OR14A16: variants seen among roughly 807,000 people sequenced by gnomAD.
OR14A16 encodes the protein olfactory receptor family 14 subfamily A member 16.
For missense variants in OR14A16, 341 were observed against 366.5 expected, an observed-to-expected ratio of 0.93 and a Z score of 0.57; for synonymous variants, 135 against 137.6, an observed-to-expected ratio of 0.98 and a Z score of 0.13.
In OR14A16 at chr1:247,814,792, A is replaced by T; in HGVS notation, c.*8T>A. The stretch of plus-strand genomic sequence containing the variant: ...TATCTATTATTGAAAGAAGAAAAGC[A>T]ACAGCTTTTACTTTTTGGTGAGCTT... On this transcript the variant is annotated 3_prime_UTR_variant, in exon 3 of 3. Coordinates refer to ENST00000641093, the MANE Select transcript of OR14A16 (RefSeq NM_001001966.2). 2.0e-6 allele frequency: 3 copies of T among 1,508,828 alleles called. No individual in the cohort carries two copies. The South Asian group carries it at 4.1e-5, about 21-fold the overall frequency. The allele number at this position is 1,508,828 out of a possible 1,614,324, so 93.5% of individuals were successfully genotyped here.
intron 2 of OR14A16, 69 bp downstream of exon 2, chr1:247,818,994 C>T (rs894316878): frequency 7.9e-5 from 12 of 151,242 alleles, no homozygotes; most frequent in Admixed American, 7.9e-4. Flanking sequence ...TATGTACCCA[C>T]AAAAGTTAAA....
intron 1 of OR14A16, among the ~76,000 whole-genome samples, chr1:247,822,388 ATC>A (rs2103287667): frequency 6.6e-6 from 1 of 151,276 alleles, no homozygotes; most frequent in African/African-American, 2.4e-5. Context: ...TCTTTCTGTT[ATC>A]TCTGTCTTCA....
At chr1:247,816,352 T>C (rs1662621368) in intron 2 of OR14A16, among the ~76,000 whole-genome samples, 1 of 152,260 alleles carries the variant, frequency 6.6e-6, no homozygotes, top group Non-Finnish European at 1.5e-5. Context: ...CTAATGGTGC[T>C]TTTTTAACAC....
intron 2 of OR14A16, among the ~76,000 whole-genome samples, chr1:247,816,906 G>A (rs573359205): frequency 6.6e-6 from 1 of 151,980 alleles, no homozygotes; most frequent in East Asian, 1.9e-4. Flanking sequence ...ACGACAATGC[G>A]TGACCTTGCA....
At chr1:247,818,245 G>A (rs1197926752) in intron 2 of OR14A16, among the ~76,000 whole-genome samples, 1 of 152,130 alleles carries the variant, frequency 6.6e-6, no homozygotes, top group African/African-American at 2.4e-5. Flanking sequence ...AATAACAAAT[G>A]CTGGGGAGGA....
intron 1 of OR14A16, among the ~76,000 whole-genome samples, chr1:247,823,609 AAAAT>A (rs1662784051): frequency 6.6e-6 from 1 of 152,260 alleles, no homozygotes; most frequent in East Asian, 1.9e-4. Flanking sequence ...ATGCATACAG[AAAAT>A]AAATATAATA....
At chr1:247,815,907 T>C (rs1000237171) in intron 2 of OR14A16, among the ~76,000 whole-genome samples, 163 bp from the exon 3 acceptor site, 24 of 152,350 alleles carry the variant, frequency 1.6e-4, no homozygotes, top group African/African-American at 5.8e-4. Context: ...ATCTAGTTCT[T>C]TTTTAGTGCA....
chr1:247,818,105 C>T (rs1662661877), intron 2 of OR14A16, among the ~76,000 whole-genome samples: 1 of 151,882 alleles, frequency 6.6e-6, no homozygotes, highest in South Asian at 2.1e-4. Flanking sequence ...TTCCCAAATC[C>T]AGACAAATTT....
In OR14A16 at chr1:247,814,828, A is replaced by G; in HGVS notation, c.902T>C (p.Leu301Ser). Residue 301 changes from leucine (L) to serine (S), a missense_variant, in exon 3 of 3, where the codon TTG becomes TCG. By Grantham distance (145) the Leu-to-Ser change is moderately radical. Transcript: ENST00000641093. ...CTTTTTGGTGAGCTTTCCCTTTATC[A>G]ACATCCCCAGAGCCACCTTTATGGC... ...NKAIKVALGM[L>S]IKGKLTKK 1 of 1,572,988 alleles carries G rather than the reference A, an allele frequency of 6.4e-7. No individual in the cohort carries two copies. The highest frequency in any genetic ancestry group is 8.6e-7 in the Non-Finnish European group (1 of 1,165,848).
At chr1:247,818,205 A>T (rs4925716) in intron 2 of OR14A16, among the ~76,000 whole-genome samples, 22,172 of 152,186 alleles carry the variant, frequency 0.15, 1,879 homozygotes, top group Non-Finnish European at 0.19. Flanking sequence ...TCTTACCCCA[A>T]TTAAAATGGA....
chr1:247,815,333 T>A lies in OR14A16; in HGVS notation c.397A>T (p.Ile133Phe). ...TGGACACAGGTGCTCCTGTCCATGA[T>A]GACATCATAGTGCAGAGGGTGACAT... is the stretch of plus-strand genomic sequence containing the variant. Reference protein sequence around the residue: ...AICHPLHYDVIMDRSTCVQRA... With the variant: ...AICHPLHYDVFMDRSTCVQRA... Residue 133 changes from isoleucine (I) to phenylalanine (F), a missense_variant, in exon 3 of 3, where the codon ATC becomes TTC. Coordinates refer to ENST00000641093, the MANE Select transcript of OR14A16 (RefSeq NM_001001966.2). 1.2e-6 allele frequency: 2 copies of A among 1,614,090 alleles called. No homozygotes were observed. The highest frequency in any genetic ancestry group is 1.7e-6 in the Non-Finnish European group (2 of 1,180,030).
rs749067685 is a variant in OR14A16, at chr1:247,815,238, TAAG to T, written c.489_491del (p.Leu164del). 2.8e-6 allele frequency: 4 copies of T among 1,454,082 alleles called. No homozygotes were observed. In the South Asian group the frequency reaches 4.7e-5, roughly 17 times the overall value. 90.1% of individuals were successfully genotyped at this position (1,454,082 alleles called of 1,614,324 possible). ...GGACCATGTTGGACCCACAGTAGGA[TAAG>T]GAGAAGGTGCCAGCTGTGTGCATCA... On this transcript the variant is annotated inframe_deletion, in exon 3 of 3. Transcript: ENST00000641093.
At chr1:247,820,731 A>G (rs1009992763) in intron 1 of OR14A16, among the ~76,000 whole-genome samples, 5 of 151,656 alleles carry the variant, frequency 3.3e-5, no homozygotes, top group African/African-American at 1.2e-4. Context: ...GTGGTGGTGC[A>G]TGCCCGTAAT....
chr1:247,817,856 A>G (rs919898098), intron 2 of OR14A16, among the ~76,000 whole-genome samples: 2 of 152,172 alleles, frequency 1.3e-5, no homozygotes, highest in African/African-American at 4.8e-5. Context: ...TCTGATATTC[A>G]TAATACATAC....
Position 247,815,703 on chromosome 1 carries a change from T to C in OR14A16, c.27A>G (p.Glu9=). The change falls in exon 3 of 3, where the codon GAA becomes GAG. Residue 9 remains glutamate (E), a synonymous_variant. Coordinates refer to ENST00000641093, the MANE Select transcript of OR14A16 (RefSeq NM_001001966.2). Reference sequence around the variant, plus strand: ...TGGTAGAAAACCCCATAAGGATAAATTCAGTCACGATTGTGAGATTTGCCA... The same window carrying C: ...TGGTAGAAAACCCCATAAGGATAAACTCAGTCACGATTGTGAGATTTGCCA... MANLTIVT[E]FILMGFSTNK... is the part of the protein sequence containing the mutation. 1.3e-6 allele frequency: 2 copies of C among 1,595,446 alleles called. No individual in the cohort carries two copies. The highest frequency in any genetic ancestry group is 1.7e-6 in the Non-Finnish European group (2 of 1,166,932).
chr1:247,818,510 G>A (rs2131513), intron 2 of OR14A16, among the ~76,000 whole-genome samples: 127,635 of 152,212 alleles, frequency 0.84, 55,257 homozygotes, highest in East Asian at 1. Flanking sequence ...GCACAATGGA[G>A]TATTATTTAC....
chr1:247,820,689 C>CGAA (rs1553333097), intron 1 of OR14A16, among the ~76,000 whole-genome samples: 5 of 70,982 alleles, frequency 7.0e-5, no homozygotes, highest in Non-Finnish European at 1.0e-4. Flanking sequence ...CTACTAAATA[C>CGAA]AAAAAAAAAC....
At position 247,815,561 on chromosome 1, in the gene OR14A16, C is replaced by T. The variant is rs530186109; in HGVS notation, c.169G>A (p.Val57Met). 8.7e-6 allele frequency: 14 copies of T among 1,613,976 alleles called. No individual in the cohort carries two copies. Among genetic ancestry groups the T allele is most frequent in the Admixed American group, 3.3e-5 (2 of 60,004 alleles). Residue 57 changes from valine (V) to methionine (M), a missense_variant, in exon 3 of 3, where the codon GTG becomes ATG. Transcript: ENST00000641093. ...TTLDHHLHTP[V>M]YFFLKNLSFL... ...GATAGATTCTTCAAGAAGAAATACA[C>T]GGGGGTGTGGAGATGATGGTCCAAA... is the stretch of plus-strand genomic sequence containing the variant.
chr1:247,815,410 G>A lies in OR14A16; in HGVS notation c.320C>T (p.Ser107Phe). The A allele has an allele frequency of 1.2e-6, 2 of 1,613,938 alleles. No individual in the cohort carries two copies. ...CACCGTGAGGAGGAGCAGCTCTGCAGATGCTGAAGAAAGCAACAAAAAGAC... is the reference window on the plus strand; with the variant it reads ...CACCGTGAGGAGGAGCAGCTCTGCAAATGCTGAAGAAAGCAACAAAAAGAC... The part of the protein sequence containing the change: ...SQVFLLLSSA[S>F]AELLLLTVMS... The change falls in exon 3 of 3, where the codon TCT becomes TTT. Residue 107 changes from serine (S) to phenylalanine (F), a missense_variant. Coordinates refer to ENST00000641093, the MANE Select transcript of OR14A16 (RefSeq NM_001001966.2).
Sources: allele counts gnomAD v4.1 joint callset (sites outside exome capture counted in the v4.1 genomes callset), GRCh38; gene constraint gnomAD v4.1.1; transcripts MANE v1.5; gene names NCBI Gene and HGNC (gene_info 2026-07-23, HGNC 2026-07-21).